Variants in FMNL2 observed in about 807,000 individuals in gnomAD.
FMNL2 encodes formin-like protein 2.
Under a neutral mutation model 130.2 loss-of-function variants are expected in FMNL2, and 51 were observed. The observed-to-expected ratio is 0.39, with a 90% CI of 0.31 to 0.49. The LOEUF (loss-of-function observed/expected upper bound fraction) is 0.49. Among genes scored for constraint, FMNL2 ranks in the 20% least tolerant of loss-of-function variants. The probability of loss-of-function intolerance (pLI) is 0.85; values close to 1 mark genes in which losing one functional copy is unlikely to be tolerated. For missense variants in FMNL2, 977 were observed against 1,316.2 expected (o/e 0.74, Z 3.99); for synonymous variants, 465 against 467.1 (o/e 1.00, Z 0.06).
chr2:152,510,141 A>G (rs1246041174), intron 1 of FMNL2, among the ~76,000 whole-genome samples: 4 of 152,240 alleles, frequency 2.6e-5, no homozygotes, highest in African/African-American at 4.8e-5. Context: ...ACGTACAAAT[A>G]GATAATGACT....
intron 11 of FMNL2, among the ~76,000 whole-genome samples, chr2:152,612,958 A>C (rs976709265): frequency 7.2e-5 from 11 of 152,148 alleles, no homozygotes; most frequent in Non-Finnish European, 5.9e-5. Flanking sequence ...TTAGAGATAA[A>C]CCCAAGGGAT....
Position 152,607,004 on chromosome 2 carries a change from TTG to T in FMNL2, c.877-333_877-332del, listed in dbSNP as rs1491360753. Among the ~76,000 whole-genome samples, 232 of 131,960 alleles carry T rather than the reference TTG, an allele frequency of 1.8e-3. 1 individual carries two copies. Among genetic ancestry groups the T allele is most frequent in the African/African-American group, 5.9e-3 (216 of 36,536 alleles). The allele number at this position is 131,960 out of a possible 152,430, so 86.6% of individuals were successfully genotyped here. A position where few individuals can be genotyped will look rare whatever the true frequency, so the allele number is the denominator to read the frequency against. On this transcript the variant is annotated intron_variant, in intron 9 of 25. Transcript: ENST00000288670. The stretch of plus-strand genomic sequence containing the variant: ...AGGAAGCTATGGTCGTTTTTTTTTT[TTG>T]TTTTTTTTTTTTTTTTTTACCATGA...
intron 20 of FMNL2, among the ~76,000 whole-genome samples, chr2:152,631,285 C>T (rs1682142108): frequency 6.8e-6 from 1 of 146,422 alleles, no homozygotes; most frequent in Non-Finnish European, 1.5e-5. Flanking sequence ...CCCAGCTACT[C>T]GGGAGGCTGA....
At chr2:152,499,587 TAGGTC>T (rs1468896873) in intron 1 of FMNL2, among the ~76,000 whole-genome samples, 1 of 152,236 alleles carries the variant, frequency 6.6e-6, no homozygotes, top group African/African-American at 2.4e-5. Flanking sequence ...AACTTTGTGA[TAGGTC>T]ACTCAAGGCT....
intron 9 of FMNL2, among the ~76,000 whole-genome samples, chr2:152,601,272 T>C (rs1452533310): frequency 3.3e-5 from 5 of 151,254 alleles, no homozygotes; most frequent in Non-Finnish European, 2.9e-5. Flanking sequence ...TCTGTAACCC[T>C]GATGGCTTTC....
At chr2:152,595,962 C>CTT (rs542948085) in intron 9 of FMNL2, among the ~76,000 whole-genome samples, 18 of 131,886 alleles carry the variant, frequency 1.4e-4, no homozygotes, top group African/African-American at 4.2e-4. Context: ...GCAAGGAAGT[C>CTT]TTTTTTTTTT....
chr2:152,438,662 A>C (rs1458963109), intron 1 of FMNL2, among the ~76,000 whole-genome samples: 5 of 152,180 alleles, frequency 3.3e-5, no homozygotes, highest in Admixed American at 3.3e-4. Flanking sequence ...TGTGGCATCT[A>C]TTTTAGTGGC....
intron 9 of FMNL2, among the ~76,000 whole-genome samples, chr2:152,596,174 G>A (rs992151822): frequency 6.6e-6 from 1 of 151,758 alleles, no homozygotes; most frequent in South Asian, 2.1e-4. Flanking sequence ...TATTGGCCAG[G>A]CTGGTCTTGA....
At chr2:152,594,746 A>G (rs920324672) in intron 9 of FMNL2, among the ~76,000 whole-genome samples, 9 of 152,200 alleles carry the variant, frequency 5.9e-5, no homozygotes, top group Non-Finnish European at 1.3e-4. Context: ...TGCCCACTGC[A>G]GCTCAACAGC....
intron 1 of FMNL2, among the ~76,000 whole-genome samples, chr2:152,472,510 T>A (rs1689915997): frequency 6.6e-6 from 1 of 152,210 alleles, no homozygotes; most frequent in South Asian, 2.1e-4. Context: ...CTTACAGTCT[T>A]TATCCCAGTT....
intron 1 of FMNL2, among the ~76,000 whole-genome samples, chr2:152,450,529 C>T (rs937814125): frequency 6.6e-6 from 1 of 152,126 alleles, no homozygotes; most frequent in African/African-American, 2.4e-5. Flanking sequence ...ATTGTTTATT[C>T]GAAAAACCAT....
At chr2:152,593,353 C>CTA (rs143298718) in intron 9 of FMNL2, among the ~76,000 whole-genome samples, 18 of 151,644 alleles carry the variant, frequency 1.2e-4, no homozygotes, top group South Asian at 4.2e-4. Flanking sequence ...TTAGAAAATG[C>CTA]TATATATATA....
chr2:152,628,192 C>G lies in FMNL2; in HGVS notation c.2166-107C>G, dbSNP rs1366340848. On this transcript the variant is annotated intron_variant, in intron 17 of 25. Transcript: ENST00000288670. Reference sequence around the variant, plus strand: ...ACTCGTTGATTTGGTGTTTGATGAGCTGTACCAGATGGATGATGGATGGAT... The same window carrying G: ...ACTCGTTGATTTGGTGTTTGATGAGGTGTACCAGATGGATGATGGATGGAT... The G allele has an allele frequency of 4.4e-6, 4 of 915,240 alleles. No individual in the cohort carries two copies. In the Admixed American group the frequency reaches 8.6e-5, roughly 20 times the overall value. The allele number at this position is 915,240 out of a possible 1,614,324, so 56.7% of individuals were successfully genotyped here. A position where few individuals can be genotyped will look rare whatever the true frequency, so the allele number is the denominator to read the frequency against.
chr2:152,465,350 G>A (rs1439096062), intron 1 of FMNL2, among the ~76,000 whole-genome samples: 1 of 152,238 alleles, frequency 6.6e-6, no homozygotes, highest in African/African-American at 2.4e-5. Flanking sequence ...GTTCAAAGGA[G>A]CCCGAGAGCA....
chr2:152,465,498 A>G (rs549329216), intron 1 of FMNL2, among the ~76,000 whole-genome samples: 1 of 152,326 alleles, frequency 6.6e-6, no homozygotes, highest in African/African-American at 2.4e-5. Context: ...TGGCTCCTTT[A>G]GTATCTTGAA....
At chr2:152,578,724 G>C (rs1050662759) in intron 7 of FMNL2, 164 bp from the exon 8 acceptor site, 6 of 482,594 alleles carry the variant, frequency 1.2e-5, no homozygotes, top group Admixed American at 3.8e-5. Flanking sequence ...TTTTAATAGA[G>C]AAATATGCTC....
rs376959093 is a variant in FMNL2 at position 152,518,939 on chromosome 2, T to G, written c.118-3004T>G. The stretch of plus-strand genomic sequence containing the variant: ...CCCGTGGCACTTCAGATAAAATATA[T>G]TGACCCTGGTCTGCATGTCTAGGCA... On this transcript the variant is annotated intron_variant, in intron 1 of 25. Transcript: ENST00000288670. 5.3e-5 allele frequency among the ~76,000 whole-genome samples: 8 copies of G among 152,352 alleles called. No individual in the cohort carries two copies. In the East Asian group the frequency reaches 9.6e-4, roughly 18 times the overall value.
chr2:152,643,478 G>A (rs1014399107), intron 25 of FMNL2: 11 of 1,536,050 alleles, frequency 7.2e-6, no homozygotes, highest in South Asian at 4.8e-5. Context: ...GTTTTTCTGC[G>A]AACCTGTTCT....
rs60687231 is a variant in FMNL2 at position 152,542,284 on chromosome 2, T to C, written c.202-455T>C. ...TTATCAGTTTGAGTCAAATCTTTTG[T>C]TATTTTCAAAGATAAAATAAATATC... On this transcript the variant is annotated intron_variant, in intron 2 of 25. Transcript: ENST00000288670. Among the ~76,000 whole-genome samples the C allele has an allele frequency of 4.1e-3, 622 of 152,338 alleles. 5 individuals carry two copies. Among genetic ancestry groups the C allele is most frequent in the African/African-American group, 0.014 (568 of 41,582 alleles).
Sources: gnomAD v4.1 joint callset for allele counts (sites outside exome capture counted in the v4.1 genomes callset) on GRCh38, gnomAD v4.1.1 for gene constraint, MANE v1.5 for transcripts, NCBI Gene and HGNC (gene_info 2026-07-23, HGNC 2026-07-21) for gene names.